ABI3BP: variants seen among roughly 807,000 people sequenced by gnomAD.
ABI3BP encodes the protein ABI family member 3 binding protein, also known as target of Nesh-SH3.
ABI3BP carries 216 observed loss-of-function variants against 268.6 expected under a neutral mutation model. That is an observed-to-expected ratio of 0.80 (90% CI 0.72 to 0.90). The LOEUF is 0.90. ABI3BP is among the 40% of genes least tolerant of loss of function. The pLI, the probability that ABI3BP is intolerant of heterozygous loss-of-function variation, is 0.00. For missense variants in ABI3BP, 2,090 were observed against 2,182.4 expected, an observed-to-expected ratio of 0.96 and a Z score of 0.84; for synonymous variants, 730 against 730.0, an observed-to-expected ratio of 1.00 and a Z score of 0.00.
chr3:100,815,511 G>A lies in ABI3BP; in HGVS notation c.3289+401C>T, dbSNP rs187685025. 1.7e-3 allele frequency among the ~76,000 whole-genome samples: 254 copies of A among 152,154 alleles called. 1 individual carries two copies. Among genetic ancestry groups the A allele is most frequent in the Middle Eastern group, 6.8e-3 (2 of 294 alleles). On this transcript the variant is annotated intron_variant, in intron 44 of 67. Transcript: ENST00000471714. ...AGGGACACCTTATTCCTTAAAATAG[G>A]AAGAAAATAATGAGACTAAGACACA...
At chr3:100,850,881 T>A in intron 15 of ABI3BP, 147 bp from the exon 16 acceptor site, 1 of 610,306 alleles carries the variant, frequency 1.6e-6, no homozygotes. Flanking sequence ...AAACTAGTGA[T>A]ACATCAGGAG....
At chr3:100,828,362 G>A (rs1295863199) in intron 34 of ABI3BP, 31 bp downstream of exon 34, 1 of 1,513,484 alleles carries the variant, frequency 6.6e-7, no homozygotes, top group Non-Finnish European at 8.9e-7. Flanking sequence ...AGCAGAAAAA[G>A]CACTTGCTGA....
intron 1 of ABI3BP, among the ~76,000 whole-genome samples, chr3:100,987,866 A>T (rs570940292): frequency 1.3e-5 from 2 of 152,378 alleles, no homozygotes; most frequent in South Asian, 4.1e-4. Flanking sequence ...TTTAAGAATT[A>T]TTAAGGACTA....
At chr3:100,946,550 A>C (rs770259422) in intron 1 of ABI3BP, among the ~76,000 whole-genome samples, 1 of 151,990 alleles carries the variant, frequency 6.6e-6, no homozygotes, top group Non-Finnish European at 1.5e-5. Context: ...GCACTTTGGG[A>C]GGCCGAGGTG....
rs758165576 is a variant in ABI3BP, at chr3:100,876,526, G to T, written c.731C>A (p.Thr244Lys). 4.3e-6 allele frequency: 7 copies of T among 1,613,172 alleles called. No individual in the cohort carries two copies. Among genetic ancestry groups the T allele is most frequent in the African/African-American group, 2.7e-5 (2 of 74,848 alleles). Residue 244 changes from threonine to lysine, a missense_variant, in exon 7 of 68, where the codon ACA (threonine) becomes AAA (lysine). By Grantham distance (78) the Thr-to-Lys change is moderately conservative. Transcript: ENST00000471714. Reference sequence around the variant, plus strand: ...AGACAAATTACCTTGCTTGATGATTGTTATTGGGATTAGTTTCCTTGGGAC... The same window carrying T: ...AGACAAATTACCTTGCTTGATGATTTTTATTGGGATTAGTTTCCTTGGGAC... ...AYVPRKLIPI[T>K]IIKQVIQNVT...
intron 1 of ABI3BP, among the ~76,000 whole-genome samples, chr3:100,976,331 A>G (rs1282838492): frequency 6.6e-6 from 1 of 152,126 alleles, no homozygotes; most frequent in Admixed American, 6.6e-5. Flanking sequence ...TTGATAAAAC[A>G]CTTCTGGAAA....
In ABI3BP at chr3:100,976,242, G is replaced by A. The variant is rs79329801; in HGVS notation, c.79+17064C>T. ...TATATTCATATTTATCATGTATTCT[G>A]GTTTGGGGTTAGAAAAATTTTCTCA... On this transcript the variant is annotated intron_variant, in intron 1 of 67. Coordinates refer to ENST00000471714, the MANE Select transcript of ABI3BP (RefSeq NM_001375547.2). Among the ~76,000 whole-genome samples, 290 of 152,124 alleles carry A rather than the reference G, an allele frequency of 1.9e-3. 2 individuals are homozygous for A. Among genetic ancestry groups the A allele is most frequent in the Non-Finnish European group, 3.5e-3 (241 of 67,996 alleles).
At chr3:100,758,125 T>C (rs1212870882) in intron 63 of ABI3BP, among the ~76,000 whole-genome samples, 3 of 151,780 alleles carry the variant, frequency 2.0e-5, no homozygotes, top group South Asian at 4.2e-4. Context: ...AAAAACAATC[T>C]TCCCCGCGCA....
intron 38 of ABI3BP, among the ~76,000 whole-genome samples, chr3:100,821,794 G>T (rs574559895): frequency 7.4e-4 from 113 of 151,798 alleles, no homozygotes; most frequent in Non-Finnish European, 1.4e-3. Flanking sequence ...GTAGAGACAG[G>T]GTTTCACCAT....
intron 45 of ABI3BP, 99 bp downstream of exon 45, chr3:100,813,562 T>C (rs974291860): frequency 3.7e-5 from 34 of 927,044 alleles, no homozygotes; most frequent in Non-Finnish European, 4.7e-5. Context: ...TAATGTATAT[T>C]CCTTTTTCAT....
chr3:100,979,743 G>T (rs2088291185), intron 1 of ABI3BP, among the ~76,000 whole-genome samples: 1 of 152,136 alleles, frequency 6.6e-6, no homozygotes, highest in Non-Finnish European at 1.5e-5. Context: ...ATAGATGTTT[G>T]CACTGAATGG....
chr3:100,930,155 C>T (rs574580846), intron 1 of ABI3BP, among the ~76,000 whole-genome samples: 1 of 151,994 alleles, frequency 6.6e-6, no homozygotes, highest in Admixed American at 6.6e-5. Context: ...GAAAATAATA[C>T]CACATGATAC....
chr3:100,940,357 A>T (rs2068396231), intron 1 of ABI3BP, among the ~76,000 whole-genome samples: 2 of 152,030 alleles, frequency 1.3e-5, no homozygotes, highest in African/African-American at 4.8e-5. Context: ...GAACAAATAA[A>T]TGTCCATGAA....
At chr3:100,842,796 T>C (rs559299276) in intron 20 of ABI3BP, among the ~76,000 whole-genome samples, 19 of 152,236 alleles carry the variant, frequency 1.2e-4, no homozygotes, top group African/African-American at 4.1e-4. Flanking sequence ...AATAGGTTTC[T>C]CATTATTCTA....
At chr3:100,916,323 T>G (rs2153585453) in intron 2 of ABI3BP, among the ~76,000 whole-genome samples, 1 of 152,252 alleles carries the variant, frequency 6.6e-6, no homozygotes, top group Non-Finnish European at 1.5e-5. Flanking sequence ...TCAGCAAAGG[T>G]TTTTCTTCCT....
At chr3:100,875,654 C>T (rs1274889833) in intron 7 of ABI3BP, 75 bp from the exon 8 acceptor site, 1 of 1,042,422 alleles carries the variant, frequency 9.6e-7, no homozygotes, top group African/African-American at 1.6e-5. Flanking sequence ...GTGAAGCCAT[C>T]TGCACTGGAA....
chr3:100,867,961 C>A (rs983633128), intron 9 of ABI3BP, among the ~76,000 whole-genome samples: 1 of 152,128 alleles, frequency 6.6e-6, no homozygotes, highest in Admixed American at 6.5e-5. Flanking sequence ...AGCCAGTGTT[C>A]CCCAGCGATT....
chr3:100,970,457 TG>T (rs1389203103), intron 1 of ABI3BP, among the ~76,000 whole-genome samples: 1 of 152,190 alleles, frequency 6.6e-6, no homozygotes, highest in Non-Finnish European at 1.5e-5. Flanking sequence ...TGCAGAATAA[TG>T]TGACGTATAG....
intron 1 of ABI3BP, among the ~76,000 whole-genome samples, chr3:100,949,519 G>A (rs1011274669): frequency 1.3e-5 from 2 of 152,170 alleles, no homozygotes; most frequent in African/African-American, 4.8e-5. Context: ...GCCCACCTTG[G>A]CCTCAAAAGT....
Sources: allele counts gnomAD v4.1 joint callset (sites outside exome capture counted in the v4.1 genomes callset), GRCh38; gene constraint gnomAD v4.1.1; transcripts MANE v1.5; gene names NCBI Gene and HGNC (gene_info 2026-07-23, HGNC 2026-07-21).